Variants in SDK1 observed in about 807,000 individuals in gnomAD.
SDK1 encodes protein sidekick-1.
A neutral mutation model predicts 245.5 loss-of-function variants in SDK1; 157 were observed. The observed-to-expected ratio is 0.64, with a 90% CI of 0.56 to 0.73. The LOEUF (loss-of-function observed/expected upper bound fraction) is 0.73. Among genes scored for constraint, SDK1 ranks in the 30% least tolerant of loss-of-function variants. The probability of loss-of-function intolerance (pLI) is 0.00; values close to 1 mark genes in which losing one functional copy is unlikely to be tolerated. For synonymous variants in SDK1, 1,647 were observed against 1,278.5 expected (o/e 1.29, Z -6.15); for missense variants, 3,583 against 3,002.3 (o/e 1.19, Z -4.52).
intron 5 of SDK1, among the ~76,000 whole-genome samples, chr7:3,947,792 G>A (rs1243412157): frequency 1.3e-5 from 2 of 152,028 alleles, no homozygotes; most frequent in South Asian, 2.1e-4. Flanking sequence ...AAGCTCATCT[G>A]TTGTAGCAGA....
At position 3,475,685 on chromosome 7, in the gene SDK1, T is replaced by A. The variant is rs575334006; in HGVS notation, c.299-143395T>A. 2.6e-5 allele frequency among the ~76,000 whole-genome samples: 4 copies of A among 152,318 alleles called. No individual in the cohort carries two copies. The South Asian group carries it at 8.3e-4, about 32-fold the overall frequency. On this transcript the variant is annotated intron_variant, in intron 1 of 44. Coordinates refer to ENST00000404826, the MANE Select transcript of SDK1 (RefSeq NM_152744.4). Reference sequence around the variant, plus strand: ...GATGAAAGTCCAGGGGAGAATGGTATTAAAAGTAAATAAATTTACTTAACT... The same window carrying A: ...GATGAAAGTCCAGGGGAGAATGGTAATAAAAGTAAATAAATTTACTTAACT...
At chr7:3,674,263 G>C (rs1344540848) in intron 4 of SDK1, among the ~76,000 whole-genome samples, 2 of 152,158 alleles carry the variant, frequency 1.3e-5, no homozygotes, top group Admixed American at 1.3e-4. Flanking sequence ...CAGTGTTACA[G>C]ATGGAGGCAA....
intron 25 of SDK1, among the ~76,000 whole-genome samples, chr7:4,119,136 T>C (rs2128193664): frequency 6.7e-6 from 1 of 148,864 alleles, no homozygotes; most frequent in Non-Finnish European, 1.5e-5. Flanking sequence ...AGATTAATTT[T>C]ATACAGATAA....
At chr7:4,216,107 T>A (rs1784780530) in intron 38 of SDK1, among the ~76,000 whole-genome samples, 1 of 152,136 alleles carries the variant, frequency 6.6e-6, no homozygotes. Flanking sequence ...CCTGCAGGCA[T>A]TTCTGAGTGT....
chr7:3,504,143 C>G (rs1242285935), intron 1 of SDK1, among the ~76,000 whole-genome samples: 1 of 144,614 alleles, frequency 6.9e-6, no homozygotes, highest in Non-Finnish European at 1.5e-5. Flanking sequence ...GAGCGAGACT[C>G]CTTCTCAAAA....
At chr7:4,125,986 A>G (rs1000720373) in intron 25 of SDK1, among the ~76,000 whole-genome samples, 11 of 152,176 alleles carry the variant, frequency 7.2e-5, no homozygotes, top group African/African-American at 2.4e-4. Context: ...CCTGGAGACC[A>G]CCTGATTCAA....
At chr7:3,428,235 A>G (rs1242322124) in intron 1 of SDK1, among the ~76,000 whole-genome samples, 2 of 152,176 alleles carry the variant, frequency 1.3e-5, no homozygotes, top group African/African-American at 4.8e-5. Context: ...GGTGCACTGA[A>G]TAGCTAGTGG....
chr7:3,714,480 GAAT>G (rs1220131362), intron 4 of SDK1, among the ~76,000 whole-genome samples: 5 of 152,104 alleles, frequency 3.3e-5, no homozygotes, highest in African/African-American at 1.2e-4. Flanking sequence ...CTTAAATTAA[GAAT>G]AATAAGTTTA....
intron 44 of SDK1, among the ~76,000 whole-genome samples, chr7:4,258,108 G>A (rs565154604): frequency 5.3e-5 from 8 of 152,292 alleles, no homozygotes; most frequent in African/African-American, 7.2e-5. Flanking sequence ...AGGACTTTTA[G>A]ATCTTTGGCT....
In SDK1 at chr7:4,178,732, A is replaced by T. The variant is rs571176026; in HGVS notation, c.5098+146A>T. ...CTGTCGGGGCTGAGGTCTCCACGCC[A>T]CTGGCAGGGAAAGATGGGCTCAGCT... On this transcript the variant is annotated intron_variant, in intron 35 of 44. Coordinates refer to ENST00000404826, the MANE Select transcript of SDK1 (RefSeq NM_152744.4). 1.5e-5 allele frequency: 9 copies of T among 613,856 alleles called. No homozygotes were observed. The Admixed American group carries it at 2.6e-4, about 18-fold the overall frequency. 38.0% of individuals were successfully genotyped at this position (613,856 alleles called of 1,614,324 possible).
chr7:3,648,244 A>G (rs188621382), intron 4 of SDK1, among the ~76,000 whole-genome samples: 7 of 152,260 alleles, frequency 4.6e-5, no homozygotes, highest in Admixed American at 4.6e-4. Context: ...TTCCTCCACG[A>G]CGTTATTTAT....
rs186882959 is a variant in SDK1 at position 3,888,092 on chromosome 7, G to T, written c.848-62831G>T. Among the ~76,000 whole-genome samples, 730 of 152,292 alleles carry T rather than the reference G, an allele frequency of 4.8e-3. 6 individuals carry two copies. Among genetic ancestry groups the T allele is most frequent in the Non-Finnish European group, 8.9e-3 (603 of 68,020 alleles). ...ACCAAAAGAGTTAGTAAAGAATTGGGTCAGCCTTACTGAAACAAATGGTTG... is the reference window on the plus strand; with the variant it reads ...ACCAAAAGAGTTAGTAAAGAATTGGTTCAGCCTTACTGAAACAAATGGTTG... On this transcript the variant is annotated intron_variant, in intron 5 of 44. Coordinates refer to ENST00000404826, the MANE Select transcript of SDK1 (RefSeq NM_152744.4).
chr7:4,123,532 T>C (rs1784199297), intron 25 of SDK1, among the ~76,000 whole-genome samples: 1 of 152,170 alleles, frequency 6.6e-6, no homozygotes, highest in Non-Finnish European at 1.5e-5. Flanking sequence ...CACCAGGGAC[T>C]TGGGGCTGCA....
At chr7:3,553,715 A>C (rs1779489865) in intron 1 of SDK1, among the ~76,000 whole-genome samples, 1 of 152,182 alleles carries the variant, frequency 6.6e-6, no homozygotes, top group African/African-American at 2.4e-5. Context: ...TCCCACTGCA[A>C]CAAATGGTCC....
intron 1 of SDK1, among the ~76,000 whole-genome samples, chr7:3,571,454 C>T (rs1439438192): frequency 6.6e-6 from 1 of 151,928 alleles, no homozygotes; most frequent in African/African-American, 2.4e-5. Context: ...AGGCCCGTAC[C>T]ACCATGCCCA....
intron 38 of SDK1, among the ~76,000 whole-genome samples, chr7:4,214,309 G>A (rs1001266134): frequency 2.6e-5 from 4 of 152,284 alleles, no homozygotes; most frequent in African/African-American, 4.8e-5. Context: ...TAGACAAACC[G>A]CTGGCTGCAC....
chr7:3,503,849 A>C (rs1160534473), intron 1 of SDK1, among the ~76,000 whole-genome samples: 3 of 151,942 alleles, frequency 2.0e-5, no homozygotes, highest in Non-Finnish European at 4.4e-5. Flanking sequence ...AGACTTAATA[A>C]TGTTAAAATA....
chr7:3,993,775 G>A (rs375089672), intron 14 of SDK1, among the ~76,000 whole-genome samples: 2 of 151,916 alleles, frequency 1.3e-5, no homozygotes, highest in East Asian at 1.9e-4. Flanking sequence ...GGCTTCTTCT[G>A]CCTCAAAGGA....
intron 1 of SDK1, among the ~76,000 whole-genome samples, chr7:3,472,596 C>T (rs1198559378): frequency 6.6e-6 from 1 of 152,216 alleles, no homozygotes; most frequent in East Asian, 1.9e-4. Context: ...AAAATGATTA[C>T]TTCCCTATGT....
Sources: allele counts gnomAD v4.1 joint callset (sites outside exome capture counted in the v4.1 genomes callset), GRCh38; gene constraint gnomAD v4.1.1; transcripts MANE v1.5; gene names NCBI Gene and HGNC (gene_info 2026-07-23, HGNC 2026-07-21).